STIL: variants seen among roughly 807,000 people sequenced by gnomAD.
STIL encodes the protein SCL-interrupting locus protein.
STIL carries 55 observed loss-of-function variants against 110.1 expected under a neutral mutation model. The ratio of observed to expected loss-of-function variants is 0.50; its 90% confidence interval spans 0.40 to 0.63. STIL has a LOEUF of 0.63. Ranked by LOEUF, STIL falls within the 20% of genes least tolerant of loss-of-function variation. The probability of loss-of-function intolerance (pLI) is 0.00; values close to 1 mark genes in which losing one functional copy is unlikely to be tolerated. For synonymous variants in STIL, 481 were observed against 530.0 expected (o/e 0.91, Z 1.27); for missense variants, 1,358 against 1,530.0 (o/e 0.89, Z 1.87).
Position 47,280,651 on chromosome 1 carries a change from A to G in STIL, c.1807T>C (p.Cys603Arg), listed in dbSNP as rs1221782115. The part of the protein sequence containing the change: ...PLPSYCSTNV[C>R]RCCQHHSHIQ... ...TGACTATGATGCTGACAACACCTGC[A>G]AACGTTTGTGGAACAGTAAGATGGC... The change falls in exon 12 of 17, where the codon TGC (cysteine) becomes CGC (arginine). Residue 603 changes from cysteine (C) to arginine (R), a missense_variant. Coordinates refer to ENST00000371877, the MANE Select transcript of STIL (RefSeq NM_001048166.1). 1 of 1,614,108 alleles carries G rather than the reference A, an allele frequency of 6.2e-7. No homozygotes were observed. Among genetic ancestry groups the G allele is most frequent in the East Asian group, 2.2e-5 (1 of 44,896 alleles).
chr1:47,264,309 A>G (rs938269957), intron 14 of STIL, among the ~76,000 whole-genome samples: 3 of 152,224 alleles, frequency 2.0e-5, no homozygotes, highest in Non-Finnish European at 4.4e-5. Flanking sequence ...TGAGAAACAA[A>G]TTTCTGTTGT....
At position 47,279,727 on chromosome 1, in the gene STIL, CA is replaced by C. The variant is rs11371469; in HGVS notation, c.2217+513del. Among the ~76,000 whole-genome samples the C allele has an allele frequency of 1.1e-3, 94 of 82,828 alleles. No individual in the cohort carries two copies. In the East Asian group the frequency reaches 0.018, roughly 16 times the overall value. 54.3% of individuals were successfully genotyped at this position (82,828 alleles called of 152,430 possible). ...CTGCGCAACAGAAGAGACTCCGTCT[CA>C]AAAAAAAAAAAAAAAAACAACAAAA... is the stretch of plus-strand genomic sequence containing the variant. On this transcript the variant is annotated intron_variant, in intron 12 of 16. Coordinates refer to ENST00000371877, the MANE Select transcript of STIL (RefSeq NM_001048166.1).
chr1:47,262,910 T>C lies in STIL; in HGVS notation c.2822A>G (p.Asp941Gly). The C allele has an allele frequency of 6.2e-7, 1 of 1,614,086 alleles. No homozygotes were observed. The highest frequency in any genetic ancestry group is 8.5e-7 in the Non-Finnish European group (1 of 1,179,968). ...QPSDNQKIYQ[D>G]LLGQVNHLLN... is the part of the protein sequence containing the mutation. ...TGCTCTACATTTTCTTACCAATAAA[T>C]CCTGGTAAATTTTCTGGTTATCTGA... The change falls in exon 15 of 17, where the codon GAT becomes GGT. Residue 941 changes from aspartate (D) to glycine (G), a missense_variant. Physicochemically the swap from Asp to Gly is moderately conservative, Grantham distance 94. Coordinates refer to ENST00000371877, the MANE Select transcript of STIL (RefSeq NM_001048166.1).
At position 47,280,582 on chromosome 1, in the gene STIL, C is replaced by T. The variant is rs200559900; in HGVS notation, c.1876G>A (p.Val626Ile). The T allele has an allele frequency of 6.1e-5, 98 of 1,614,146 alleles. No homozygotes were observed. Among genetic ancestry groups the T allele is most frequent in the Non-Finnish European group, 4.6e-5 (54 of 1,180,066 alleles). ...PLNSWQGANTVGSIQDVQSEA... is the reference protein window; with the variant it reads ...PLNSWQGANTIGSIQDVQSEA... ...GACTGGACATCTTGAATGGATCCAACTGTGTTTGCTCCTTGCCAAGAATTT... is the reference window on the plus strand; with the variant it reads ...GACTGGACATCTTGAATGGATCCAATTGTGTTTGCTCCTTGCCAAGAATTT... The change falls in exon 12 of 17, where the codon GTT (valine) becomes ATT (isoleucine). Residue 626 changes from valine to isoleucine, a missense_variant. Val to Ile is a conservative substitution (Grantham distance 29). Coordinates refer to ENST00000371877, the MANE Select transcript of STIL (RefSeq NM_001048166.1).
intron 9 of STIL, among the ~76,000 whole-genome samples, chr1:47,288,382 T>C (rs1645369540): frequency 6.6e-6 from 1 of 151,972 alleles, no homozygotes; most frequent in Non-Finnish European, 1.5e-5. Flanking sequence ...CTGCAACCTC[T>C]ACCTCCCAGG....
At chr1:47,268,800 A>G (rs1321099967) in intron 14 of STIL, among the ~76,000 whole-genome samples, 2 of 151,414 alleles carry the variant, frequency 1.3e-5, no homozygotes, top group Admixed American at 1.3e-4. Context: ...AATTAAATAA[A>G]AGAAATTTCT....
intron 1 of STIL, among the ~76,000 whole-genome samples, chr1:47,312,384 C>T (rs970237924): frequency 1.3e-5 from 2 of 150,604 alleles, no homozygotes; most frequent in South Asian, 4.2e-4. Flanking sequence ...ACCCGGGAGG[C>T]GGAGCTTGCA....
rs754788714 is a variant in STIL at position 47,280,611 on chromosome 1, G to A, written c.1847C>T (p.Pro616Leu). The A allele has an allele frequency of 7.1e-5, 115 of 1,614,056 alleles. No homozygotes were observed. The East Asian group carries it at 1.5e-3, about 21-fold the overall frequency. ...CQHHSHIQYSPLNSWQGANTV... is the reference protein window; with the variant it reads ...CQHHSHIQYSLLNSWQGANTV... ...GTTTGCTCCTTGCCAAGAATTTAGCGGACTATATTGAATATGACTATGATG... is the reference window on the plus strand; with the variant it reads ...GTTTGCTCCTTGCCAAGAATTTAGCAGACTATATTGAATATGACTATGATG... The change falls in exon 12 of 17, where the codon CCG becomes CTG. Residue 616 changes from proline to leucine, a missense_variant. Coordinates refer to ENST00000371877, the MANE Select transcript of STIL (RefSeq NM_001048166.1).
intron 6 of STIL, among the ~76,000 whole-genome samples, chr1:47,297,915 G>C (rs977633627): frequency 4.6e-5 from 7 of 152,078 alleles, no homozygotes; most frequent in Non-Finnish European, 8.8e-5. Context: ...CAAGTAAATG[G>C]GGATGGGTAC....
chr1:47,296,565 A>G (rs1645646554), intron 6 of STIL, among the ~76,000 whole-genome samples: 1 of 152,118 alleles, frequency 6.6e-6, no homozygotes, highest in Non-Finnish European at 1.5e-5. Flanking sequence ...GCACTTTGGG[A>G]GGCCGAGGTG....
rs1645177956 is a variant in STIL at position 47,282,388 on chromosome 1, A to G, written c.1205T>C (p.Phe402Ser). The change falls in exon 11 of 17, where the codon TTT becomes TCT. Residue 402 changes from phenylalanine (F) to serine (S), a missense_variant. Physicochemically the swap from Phe to Ser is radical, Grantham distance 155. Coordinates refer to ENST00000371877, the MANE Select transcript of STIL (RefSeq NM_001048166.1). The part of the protein sequence containing the change: ...DHDSGVEDED[F>S]SPRPIPSPHP... ...AGGACTAGGAATTGGTCTTGGAGAA[A>G]AATCTTCATCTTCAACACCAGAGTC... 6.2e-7 allele frequency: 1 copy of G among 1,613,262 alleles called. No homozygotes were observed. The highest frequency in any genetic ancestry group is 1.7e-4 in the Middle Eastern group (1 of 6,056).
At chr1:47,272,892 A>G (rs751546092) in intron 12 of STIL, among the ~76,000 whole-genome samples, 23 of 152,210 alleles carry the variant, frequency 1.5e-4, no homozygotes, top group Non-Finnish European at 3.1e-4. Flanking sequence ...AATACTGAAC[A>G]TATCACACAA....
intron 2 of STIL, among the ~76,000 whole-genome samples, chr1:47,309,674 C>A (rs1157097315): frequency 6.6e-6 from 1 of 152,074 alleles, no homozygotes; most frequent in Non-Finnish European, 1.5e-5. Flanking sequence ...AATAAATGAT[C>A]CAAAGAGCCA....
chr1:47,263,408 G>A (rs1252091336), intron 14 of STIL, among the ~76,000 whole-genome samples: 1 of 152,166 alleles, frequency 6.6e-6, no homozygotes, highest in African/African-American at 2.4e-5. Context: ...AGCTGGGTGT[G>A]ACACCATGCA....
chr1:47,304,924 A>G lies in STIL; in HGVS notation c.117T>C (p.Thr39=). Residue 39 remains threonine, a synonymous_variant, in exon 3 of 17, where the codon ACT becomes ACC. Transcript: ENST00000371877. ...TGAGATGTAAGTAGATGAAATCTCC[A>G]GTTGGCGTTGGGTTCCAAAGTGCAC... is the stretch of plus-strand genomic sequence containing the variant. ...SKCALWNPTP[T]GDFIYLHLSY... 6.2e-7 allele frequency: 1 copy of G among 1,614,000 alleles called. No homozygotes were observed. The highest frequency in any genetic ancestry group is 8.5e-7 in the Non-Finnish European group (1 of 1,179,838).
At chr1:47,299,685 G>A (rs999574741) in intron 6 of STIL, 23 of 488,536 alleles carry the variant, frequency 4.7e-5, no homozygotes, top group Middle Eastern at 6.0e-4. Flanking sequence ...GAGCCACTGC[G>A]CCAGGCCCTA....
intron 11 of STIL, 31 bp from the exon 12 acceptor site, chr1:47,281,240 G>C: frequency 6.3e-7 from 1 of 1,590,654 alleles, no homozygotes; most frequent in Non-Finnish European, 8.6e-7. Context: ...GAAAAAAAAA[G>C]TATTTTTTTG....
chr1:47,301,442 C>A (rs1428242020), intron 5 of STIL, 119 bp downstream of exon 5: 7 of 1,197,968 alleles, frequency 5.8e-6, no homozygotes, highest in South Asian at 2.6e-5. Flanking sequence ...TTTAGGTTCA[C>A]AATAATTCAA....
In STIL at chr1:47,300,114, G is replaced by C. The variant is rs1056429515; in HGVS notation, c.492C>G (p.Asp164Glu). The C allele has an allele frequency of 6.2e-7, 1 of 1,614,070 alleles. No homozygotes were observed. Among genetic ancestry groups the C allele is most frequent in the Non-Finnish European group, 8.5e-7 (1 of 1,179,988 alleles). ...QCHICSKDSL[D>E]CGKLLSLRVH... is the part of the protein sequence containing the mutation. ...CTCTTAGGGAAAGCAGCTTACCACA[G>C]TCCAAGGAATCTTTGCTACATATAT... Residue 164 changes from aspartate (D) to glutamate (E), a missense_variant, in exon 6 of 17, where the codon GAC becomes GAG. Physicochemically the swap from Asp to Glu is conservative, Grantham distance 45. Coordinates refer to ENST00000371877, the MANE Select transcript of STIL (RefSeq NM_001048166.1).
Sources: allele counts gnomAD v4.1 joint callset (sites outside exome capture counted in the v4.1 genomes callset), GRCh38; gene constraint gnomAD v4.1.1; transcripts MANE v1.5; gene names NCBI Gene and HGNC (gene_info 2026-07-23, HGNC 2026-07-21).